GALNT14: variants seen among roughly 807,000 people sequenced by gnomAD.
GALNT14 encodes polypeptide N-acetylgalactosaminyltransferase 14.
A neutral mutation model predicts 77.5 loss-of-function variants in GALNT14; 60 were observed. That is an observed-to-expected ratio of 0.77 (90% CI 0.63 to 0.96). The LOEUF is 0.96. Ranked by LOEUF, GALNT14 falls within the 40% of genes least tolerant of loss-of-function variation. The pLI is 0.00. For missense variants in GALNT14, 710 were observed against 731.0 expected (o/e 0.97, Z 0.33); for synonymous variants, 280 against 281.7 (o/e 0.99, Z 0.06).
intron 2 of GALNT14, among the ~76,000 whole-genome samples, chr2:30,974,783 G>A (rs1034859434): frequency 1.6e-4 from 24 of 152,214 alleles, no homozygotes; most frequent in Non-Finnish European, 2.2e-4. Context: ...CTCCTCTACC[G>A]ACTGTTGCTG....
intron 1 of GALNT14, among the ~76,000 whole-genome samples, chr2:31,010,512 G>A (rs1670960357): frequency 6.6e-6 from 1 of 152,236 alleles, no homozygotes; most frequent in South Asian, 2.1e-4. Flanking sequence ...CTACTTGGGA[G>A]GCTGAGGCAG....
rs145785396 is a variant in GALNT14 at position 30,988,754 on chromosome 2, C to T, written c.299+4084G>A. 4.8e-3 allele frequency among the ~76,000 whole-genome samples: 725 copies of T among 152,240 alleles called. 9 individuals carry two copies. The highest frequency in any genetic ancestry group is 0.017 in the African/African-American group (706 of 41,526). ...CATCAGAATCACCTGTAGCTCTTGCCGAGACACAATCAGTTCAGATCGCTA... is the reference window on the plus strand; with the variant it reads ...CATCAGAATCACCTGTAGCTCTTGCTGAGACACAATCAGTTCAGATCGCTA... On this transcript the variant is annotated intron_variant, in intron 2 of 14. Coordinates refer to ENST00000349752, the MANE Select transcript of GALNT14 (RefSeq NM_024572.4).
intron 13 of GALNT14, among the ~76,000 whole-genome samples, chr2:30,917,076 CAAAAAAAAAAA>C (rs529653696): frequency 1.3e-3 from 26 of 19,906 alleles, no homozygotes; most frequent in African/African-American, 3.7e-3. Flanking sequence ...GACTCCGTCT[CAAAAAAAAAAA>C]AAAAAAAAAA....
chr2:30,897,197 G>A, the GALNT14 span, among the ~76,000 whole-genome samples: 2 of 152,244 alleles, frequency 1.3e-5, no homozygotes, highest in Admixed American at 1.3e-4. Flanking sequence ...GCCCTTTCTT[G>A]TTTCTGTGCT....
rs117175382 is a variant in GALNT14 at position 31,134,445 on chromosome 2, A to T, written c.129+3513T>A. ...AAAACCTACAGCACGGAACTCACTC[A>T]AAAACCAACTTTTTTCCCTATGATA... On this transcript the variant is annotated intron_variant, in intron 1 of 14. Transcript: ENST00000349752. Among the ~76,000 whole-genome samples, 22 of 152,326 alleles carry T rather than the reference A, an allele frequency of 1.4e-4. No individual in the cohort carries two copies. In the East Asian group the frequency reaches 4.2e-3, roughly 29 times the overall value.
At chr2:30,889,643 G>A in the GALNT14 span, among the ~76,000 whole-genome samples, 3 of 152,222 alleles carry the variant, frequency 2.0e-5, no homozygotes, top group African/African-American at 7.2e-5. Context: ...ATGCCAGCGA[G>A]TGGCAGACCT....
intron 1 of GALNT14, among the ~76,000 whole-genome samples, chr2:31,044,675 T>C (rs1366583619): frequency 1.3e-5 from 2 of 151,920 alleles, no homozygotes; most frequent in Non-Finnish European, 2.9e-5. Context: ...CCCAGCGCTT[T>C]GGGAGGTCGA....
At chr2:30,990,147 C>A (rs1384132687) in intron 2 of GALNT14, among the ~76,000 whole-genome samples, 1 of 152,188 alleles carries the variant, frequency 6.6e-6, no homozygotes, top group African/African-American at 2.4e-5. Flanking sequence ...CTACTGGCAT[C>A]TAGTAGGTAG....
chr2:31,088,942 G>A (rs1258624486), intron 1 of GALNT14, among the ~76,000 whole-genome samples: 1 of 152,184 alleles, frequency 6.6e-6, no homozygotes, highest in Non-Finnish European at 1.5e-5. Flanking sequence ...AACAGCAGAT[G>A]CAGATACAAG....
chr2:30,898,125 T>TA, the GALNT14 span, among the ~76,000 whole-genome samples: 1,565 of 152,270 alleles, frequency 0.01, 19 homozygotes, highest in South Asian at 0.031. Flanking sequence ...AGTGCCCTTA[T>TA]AAAAGGGACC....
chr2:30,893,371 T>G, the GALNT14 span, among the ~76,000 whole-genome samples: 1 of 152,030 alleles, frequency 6.6e-6, no homozygotes, highest in African/African-American at 2.4e-5. Flanking sequence ...GATAGAAAAC[T>G]AGGGAAGCGA....
chr2:30,939,534 C>T (rs1666252061), intron 9 of GALNT14, among the ~76,000 whole-genome samples: 1 of 151,956 alleles, frequency 6.6e-6, no homozygotes, highest in South Asian at 2.1e-4. Flanking sequence ...GTGAGTCTCC[C>T]CTTAGGACAA....
intron 1 of GALNT14, chr2:31,125,143 A>G (rs1386976432): frequency 1.3e-6 from 2 of 1,541,808 alleles, no homozygotes; most frequent in Admixed American, 2.0e-5. Flanking sequence ...GGGGACACAC[A>G]GTCAACCTAC....
intron 1 of GALNT14, among the ~76,000 whole-genome samples, chr2:31,115,357 T>G (rs1300044924): frequency 1.3e-5 from 2 of 152,190 alleles, no homozygotes; most frequent in Non-Finnish European, 2.9e-5. Context: ...TGTAGAATAT[T>G]TGCGGATACA....
chr2:30,958,863 C>T (rs977792078), intron 3 of GALNT14, among the ~76,000 whole-genome samples: 2 of 152,204 alleles, frequency 1.3e-5, no homozygotes, highest in African/African-American at 4.8e-5. Flanking sequence ...CTCTCCCAGG[C>T]CATCTTGCTC....
intron 13 of GALNT14, among the ~76,000 whole-genome samples, chr2:30,916,766 GA>G (rs1197455575): frequency 1.3e-5 from 2 of 151,960 alleles, no homozygotes; most frequent in Non-Finnish European, 2.9e-5. Context: ...AAGCAGGGAT[GA>G]AAGATTGTCT....
At chr2:30,949,709 T>C (rs766592201) in intron 6 of GALNT14, among the ~76,000 whole-genome samples, 8 of 152,258 alleles carry the variant, frequency 5.3e-5, no homozygotes, top group Non-Finnish European at 1.2e-4. Flanking sequence ...AAAAAGCTCC[T>C]AGAGATGTCC....
chr2:31,015,259 T>A (rs1240178426), intron 1 of GALNT14, among the ~76,000 whole-genome samples: 1 of 140,802 alleles, frequency 7.1e-6, no homozygotes, highest in Non-Finnish European at 1.5e-5. Flanking sequence ...ACCATTGCAC[T>A]CCAGCCTGGG....
At chr2:31,105,810 C>T (rs968616471) in intron 1 of GALNT14, among the ~76,000 whole-genome samples, 7 of 152,030 alleles carry the variant, frequency 4.6e-5, no homozygotes, top group South Asian at 2.1e-4. Context: ...TGCTTTCGGA[C>T]GAAGGAGTTA....
Sources: allele counts gnomAD v4.1 joint callset (sites outside exome capture counted in the v4.1 genomes callset), GRCh38; gene constraint gnomAD v4.1.1; transcripts MANE v1.5; gene names NCBI Gene and HGNC (gene_info 2026-07-23, HGNC 2026-07-21).